Variants in PTPRN2 observed in about 807,000 individuals in gnomAD.
PTPRN2 encodes the protein receptor-type tyrosine-protein phosphatase N2.
A neutral mutation model predicts 118.8 loss-of-function variants in PTPRN2; 74 were observed. That is an observed-to-expected ratio of 0.62 (90% CI 0.52 to 0.76). The LOEUF is 0.76. Among genes scored for constraint, PTPRN2 ranks in the 30% least tolerant of loss-of-function variants. The pLI is 0.00. For synonymous variants in PTPRN2, 641 were observed against 608.0 expected (o/e 1.05, Z -0.80); for missense variants, 1,481 against 1,394.4 (o/e 1.06, Z -0.99).
rs1826144221 is a variant in PTPRN2 at position 158,544,066 on chromosome 7, G to A, written c.112+43492C>T. 6.6e-6 allele frequency among the ~76,000 whole-genome samples: 1 copy of A among 152,240 alleles called. No individual in the cohort carries two copies. The highest frequency in any genetic ancestry group is 6.5e-5 in the Admixed American group (1 of 15,288). The stretch of plus-strand genomic sequence containing the variant: ...GGCACCAGAGTTGTGCAAGGAAGCA[G>A]AGGAGGCGGTGAGTGCCCCACGCTC... On this transcript the variant is annotated intron_variant, in intron 1 of 22. Transcript: ENST00000389418. The surrounding 1 kb of genome is among the most constrained non-coding windows in gnomAD (Gnocchi z 4.2).
chr7:158,087,514 T>C (rs1813522600), intron 10 of PTPRN2, among the ~76,000 whole-genome samples: 1 of 152,212 alleles, frequency 6.6e-6, no homozygotes, highest in Admixed American at 6.5e-5. Context: ...CCGTGAAAGG[T>C]GACTCCTATT....
At chr7:157,902,318 A>C (rs1247024305) in intron 11 of PTPRN2, among the ~76,000 whole-genome samples, 1 of 119,600 alleles carries the variant, frequency 8.4e-6, no homozygotes, top group Non-Finnish European at 1.8e-5. Flanking sequence ...CCAACCCTGC[A>C]GTGGCCTGGA....
chr7:158,077,193 G>T (rs575271339), intron 11 of PTPRN2, among the ~76,000 whole-genome samples: 1 of 152,166 alleles, frequency 6.6e-6, no homozygotes, highest in Non-Finnish European at 1.5e-5. Context: ...TTCAAGAGAG[G>T]CTCACAAGAG....
rs549190724 is a variant in PTPRN2, at chr7:157,869,362, A to T, written c.1788+29311T>A. The stretch of plus-strand genomic sequence containing the variant: ...AGAGTTACACTTAATGCCAAAGTAA[A>T]GAAAAAGTTTACATTTTTCCTGAGT... On this transcript the variant is annotated intron_variant, in intron 12 of 22. Transcript: ENST00000389418. The surrounding 1 kb of genome is among the most constrained non-coding windows in gnomAD (Gnocchi z 4.2). 6.6e-6 allele frequency among the ~76,000 whole-genome samples: 1 copy of T among 152,380 alleles called. No homozygotes were observed. Among genetic ancestry groups the T allele is most frequent in the East Asian group, 1.9e-4 (1 of 5,188 alleles).
chr7:158,095,181 G>A (rs1045315181), intron 10 of PTPRN2, among the ~76,000 whole-genome samples: 5 of 151,652 alleles, frequency 3.3e-5, no homozygotes, highest in Non-Finnish European at 5.9e-5. Context: ...CATGCGCAAC[G>A]TCTCTGACTG....
At chr7:158,496,371 G>A (rs1821861524) in intron 1 of PTPRN2, among the ~76,000 whole-genome samples, 1 of 36,452 alleles carries the variant, frequency 2.7e-5, no homozygotes, top group Admixed American at 3.3e-4. Flanking sequence ...CCTTCCCCAC[G>A]CCCCTTCCCC....
At chr7:158,533,937 G>C (rs975355901) in intron 1 of PTPRN2, among the ~76,000 whole-genome samples, 10 of 152,214 alleles carry the variant, frequency 6.6e-5, no homozygotes, top group Non-Finnish European at 1.5e-4. Context: ...GCCTTTGCTG[G>C]GGATGCCTTG....
intron 2 of PTPRN2, among the ~76,000 whole-genome samples, chr7:158,406,616 G>A (rs1231275929): frequency 2.6e-5 from 4 of 152,338 alleles, no homozygotes; most frequent in East Asian, 1.9e-4. Context: ...TCTCTCCCGC[G>A]GACCTGAGTC....
intron 2 of PTPRN2, among the ~76,000 whole-genome samples, chr7:158,369,192 A>G (rs1370085822): frequency 6.6e-6 from 1 of 151,576 alleles, no homozygotes; most frequent in Non-Finnish European, 1.5e-5. Flanking sequence ...CTCTCCTTGC[A>G]GACAGCCTAT....
intron 1 of PTPRN2, among the ~76,000 whole-genome samples, chr7:158,584,859 C>T (rs1828829025): frequency 6.6e-6 from 1 of 152,162 alleles, no homozygotes; most frequent in Non-Finnish European, 1.5e-5. Context: ...GACAAGGCAT[C>T]CTATATAAAA....
chr7:158,033,191 G>T (rs1485525483), intron 11 of PTPRN2, among the ~76,000 whole-genome samples: 1 of 77,654 alleles, frequency 1.3e-5, no homozygotes, highest in African/African-American at 6.9e-5. Context: ...TAAAGCCTTG[G>T]TGCCTGGTGG....
intron 2 of PTPRN2, among the ~76,000 whole-genome samples, chr7:158,327,794 G>A (rs7782393): frequency 0.53 from 81,049 of 151,824 alleles, 21,938 homozygotes; most frequent in South Asian, 0.58. Flanking sequence ...TGTAAATCCC[G>A]GTGCCCTGGG....
At chr7:158,522,405 TCCAGGTGCTGGC>T (rs1449437674) in intron 1 of PTPRN2, among the ~76,000 whole-genome samples, 8 of 144,118 alleles carry the variant, frequency 5.6e-5, no homozygotes, top group East Asian at 2.0e-4. Flanking sequence ...TGGTGGACTG[TCCAGGTGCTGGC>T]TCAGGGGGAA....
chr7:158,322,843 T>A (rs1045735360), intron 2 of PTPRN2, among the ~76,000 whole-genome samples: 34 of 152,174 alleles, frequency 2.2e-4, no homozygotes, highest in Admixed American at 6.5e-4. Flanking sequence ...AAAACAGATC[T>A]CCCTGGCAAG....
chr7:157,792,396 G>A (rs1804565893), intron 12 of PTPRN2, among the ~76,000 whole-genome samples: 1 of 152,242 alleles, frequency 6.6e-6, no homozygotes. Flanking sequence ...CTTTGCTGTG[G>A]CTCTGGCGGA....
chr7:158,323,536 C>G (rs1369784523), intron 2 of PTPRN2, among the ~76,000 whole-genome samples: 1 of 152,196 alleles, frequency 6.6e-6, no homozygotes, highest in Non-Finnish European at 1.5e-5. Context: ...CTTAGAGACA[C>G]TTTTATTAAC....
intron 5 of PTPRN2, among the ~76,000 whole-genome samples, chr7:158,171,093 T>TATATATACACATATATACACAC (rs1823533427): frequency 4.7e-5 from 6 of 128,406 alleles, no homozygotes; most frequent in African/African-American, 2.0e-4. Flanking sequence ...TATACACACA[T>TATATATACACATATATACACAC]ATATATATAC....
Position 157,925,133 on chromosome 7 carries a change from C to T in PTPRN2, c.1724-26396G>A, listed in dbSNP as rs201171399. The stretch of plus-strand genomic sequence containing the variant: ...CAGTTATTGAAGTGTAGTCAGGATG[C>T]ACCTGCATTTAGCACGTCAGGCAAA... On this transcript the variant is annotated intron_variant, in intron 11 of 22. Coordinates refer to ENST00000389418, the MANE Select transcript of PTPRN2 (RefSeq NM_002847.5). Among the ~76,000 whole-genome samples the T allele has an allele frequency of 3.4e-4, 47 of 136,294 alleles. 3 individuals carry two copies. The East Asian group carries it at 8.0e-3, about 23-fold the overall frequency. The allele number at this position is 136,294 out of a possible 152,430, so 89.4% of individuals were successfully genotyped here. A position where few individuals can be genotyped will look rare whatever the true frequency, so the allele number is the denominator to read the frequency against.
chr7:158,018,966 C>CAAAAAAAA (rs753498681), intron 11 of PTPRN2, among the ~76,000 whole-genome samples: 26 of 65,786 alleles, frequency 4.0e-4, no homozygotes, highest in South Asian at 6.7e-4. Flanking sequence ...GTTTCAAAAA[C>CAAAAAAAA]AAAAAAAAAA....
Sources: gnomAD v4.1 joint callset for allele counts (sites outside exome capture counted in the v4.1 genomes callset) on GRCh38, gnomAD v4.1.1 for gene constraint, Gnocchi (gnomAD v3.1) non-coding constraint, MANE v1.5 for transcripts, NCBI Gene and HGNC (gene_info 2026-07-23, HGNC 2026-07-21) for gene names.